The following EYS variants were observed in gnomAD, a reference collection of about 807,000 sequenced individuals.
EYS encodes the protein protein eyes shut homolog.
EYS carries 250 observed loss-of-function variants against 282.1 expected under a neutral mutation model. The observed-to-expected ratio is 0.89, with a 90% CI of 0.80 to 0.98. The LOEUF (loss-of-function observed/expected upper bound fraction) is 0.98, where lower values mean the gene tolerates loss of function less well. EYS is among the 50% of genes least tolerant of loss of function. The probability of loss-of-function intolerance (pLI) is 0.00; values close to 1 mark genes in which losing one functional copy is unlikely to be tolerated. For missense variants in EYS, 4,016 were observed against 3,709.0 expected, an observed-to-expected ratio of 1.08 and a Z score of -2.15; for synonymous variants, 1,355 against 1,282.9, an observed-to-expected ratio of 1.06 and a Z score of -1.20.
intron 2 of EYS, among the ~76,000 whole-genome samples, chr6:65,632,356 A>G (rs939853916): frequency 8.5e-5 from 13 of 152,298 alleles, no homozygotes; most frequent in African/African-American, 1.7e-4. Context: ...ATACTCAAAT[A>G]AAATTCAAAA....
chr6:64,118,515 C>G (rs368947571), intron 31 of EYS, among the ~76,000 whole-genome samples: 32 of 152,048 alleles, frequency 2.1e-4, no homozygotes, highest in African/African-American at 7.5e-4. Flanking sequence ...ATCCCTATCT[C>G]TCACCATATA....
intron 31 of EYS, among the ~76,000 whole-genome samples, chr6:64,083,800 C>A (rs1036988001): frequency 2.6e-5 from 4 of 152,172 alleles, no homozygotes; most frequent in Admixed American, 6.5e-5. Flanking sequence ...TGCAATGGTG[C>A]AATCTTGGCT....
intron 8 of EYS, among the ~76,000 whole-genome samples, chr6:65,375,060 G>T (rs750722987): frequency 2.4e-4 from 36 of 152,132 alleles, no homozygotes; most frequent in Middle Eastern, 3.2e-3. Flanking sequence ...CCTCAAGTGG[G>T]TTCCCTGACC....
intron 22 of EYS, among the ~76,000 whole-genome samples, chr6:64,807,445 C>T (rs1420210433): frequency 6.6e-6 from 1 of 152,020 alleles, no homozygotes; most frequent in African/African-American, 2.4e-5. Flanking sequence ...AGCCCTAAAA[C>T]TCAATTGAGT....
At chr6:65,166,087 G>A (rs1040330802) in intron 12 of EYS, among the ~76,000 whole-genome samples, 1 of 151,052 alleles carries the variant, frequency 6.6e-6, no homozygotes, top group Non-Finnish European at 1.5e-5. Context: ...AAAAGTTAAA[G>A]AAGATCTAAA....
chr6:64,717,979 G>A (rs1442956998), intron 22 of EYS, among the ~76,000 whole-genome samples: 2 of 152,160 alleles, frequency 1.3e-5, no homozygotes, highest in Non-Finnish European at 2.9e-5. Flanking sequence ...CAGAGTGTAT[G>A]TTTGTGTGTG....
intron 2 of EYS, among the ~76,000 whole-genome samples, chr6:65,621,290 C>T (rs1308868719): frequency 3.3e-5 from 5 of 152,082 alleles, no homozygotes; most frequent in Non-Finnish European, 7.3e-5. Flanking sequence ...TTGAATTGAT[C>T]CCTTTACCAT....
intron 22 of EYS, among the ~76,000 whole-genome samples, chr6:64,809,323 A>T (rs888379749): frequency 2.0e-5 from 3 of 152,148 alleles, no homozygotes; most frequent in African/African-American, 7.2e-5. Flanking sequence ...TGTAAACAGA[A>T]TATAATAATA....
At chr6:64,231,136 G>C (rs942249724) in intron 30 of EYS, among the ~76,000 whole-genome samples, 2 of 152,118 alleles carry the variant, frequency 1.3e-5, no homozygotes, top group Non-Finnish European at 2.9e-5. Flanking sequence ...ATGAGCCTAA[G>C]ATCAAGAATT....
intron 33 of EYS, among the ~76,000 whole-genome samples, chr6:64,021,203 T>G (rs532178146): frequency 6.6e-6 from 1 of 152,102 alleles, no homozygotes; most frequent in Non-Finnish European, 1.5e-5. Flanking sequence ...TTTGCTGCTG[T>G]TTTTGCAAAA....
chr6:65,702,705 A>T (rs1395107449), intron 1 of EYS, among the ~76,000 whole-genome samples: 2 of 151,810 alleles, frequency 1.3e-5, no homozygotes, highest in African/African-American at 4.8e-5. Context: ...AAATAAATAA[A>T]TAATAAATAA....
At chr6:65,269,509 C>T (rs1767842337) in intron 12 of EYS, among the ~76,000 whole-genome samples, 2 of 152,184 alleles carry the variant, frequency 1.3e-5, no homozygotes, top group Admixed American at 6.6e-5. Context: ...GCTACAGCAG[C>T]TGCTGTGATA....
At chr6:63,820,576 G>A (rs756584144) in intron 36 of EYS, among the ~76,000 whole-genome samples, 63 of 152,028 alleles carry the variant, frequency 4.1e-4, no homozygotes, top group Admixed American at 8.5e-4. Flanking sequence ...ACTGATTCAT[G>A]TTTCATCTTT....
intron 1 of EYS, among the ~76,000 whole-genome samples, chr6:65,695,733 G>C (rs934487014): frequency 2.0e-5 from 3 of 151,664 alleles, no homozygotes; most frequent in African/African-American, 7.3e-5. Context: ...AGGTAATATG[G>C]CTCTGTCAAA....
At chr6:65,197,430 A>T (rs982698745) in intron 12 of EYS, among the ~76,000 whole-genome samples, 2 of 152,126 alleles carry the variant, frequency 1.3e-5, no homozygotes, top group African/African-American at 2.4e-5. Context: ...GAGGAATAGC[A>T]TGTGAAATAT....
Position 64,053,285 on chromosome 6 carries a change from TTA to T in EYS, c.6725+13051_6725+13052del, listed in dbSNP as rs201920492. 9.3e-3 allele frequency among the ~76,000 whole-genome samples: 1,410 copies of T among 152,222 alleles called. 14 individuals are homozygous for T. Among genetic ancestry groups the T allele is most frequent in the Non-Finnish European group, 0.015 (1,023 of 67,990 alleles). On this transcript the variant is annotated intron_variant, in intron 33 of 42. Transcript: ENST00000503581. The stretch of plus-strand genomic sequence containing the variant: ...TAAGTGAAACTAGAAAATAAAAGTT[TTA>T]GATTTTATACATTTTTAATTTTTAT...
intron 16 of EYS, among the ~76,000 whole-genome samples, chr6:64,907,102 A>G (rs35953940): frequency 0.16 from 24,159 of 152,082 alleles, 2,030 homozygotes; most frequent in Non-Finnish European, 0.18. Context: ...GCCTAAGCTG[A>G]AATGCAGTGG....
intron 7 of EYS, among the ~76,000 whole-genome samples, chr6:65,394,424 G>A (rs1372891719): frequency 1.3e-5 from 2 of 152,142 alleles, no homozygotes; most frequent in East Asian, 3.9e-4. Flanking sequence ...CCATCCAAGA[G>A]GTGATCAGAG....
At chr6:65,591,485 C>T (rs144370151) in intron 2 of EYS, among the ~76,000 whole-genome samples, 3 of 152,026 alleles carry the variant, frequency 2.0e-5, no homozygotes, top group East Asian at 1.9e-4. Flanking sequence ...AAGAAAACAA[C>T]CCATTTCATA....
Sources: allele counts gnomAD v4.1 joint callset (sites outside exome capture counted in the v4.1 genomes callset), GRCh38; gene constraint gnomAD v4.1.1; transcripts MANE v1.5; gene names NCBI Gene and HGNC (gene_info 2026-07-23, HGNC 2026-07-21).